NTM: variants seen among roughly 807,000 people sequenced by gnomAD.
NTM encodes the protein neurotrimin, also known as IgLON family member 2.
NTM carries 13 observed loss-of-function variants against 42.1 expected under a neutral mutation model. The ratio of observed to expected loss-of-function variants is 0.31; its 90% confidence interval spans 0.20 to 0.49. NTM has a LOEUF of 0.49. Ranked by LOEUF, NTM falls within the 20% of genes least tolerant of loss-of-function variation. The probability of loss-of-function intolerance (pLI) is 0.99; values close to 1 mark genes in which losing one functional copy is unlikely to be tolerated. For synonymous variants in NTM, 187 were observed against 179.2 expected, an observed-to-expected ratio of 1.04 and a Z score of -0.35; for missense variants, 373 against 452.8, an observed-to-expected ratio of 0.82 and a Z score of 1.60.
intron 1 of NTM, among the ~76,000 whole-genome samples, chr11:131,713,940 G>A (rs1053595188): frequency 3.9e-5 from 6 of 152,210 alleles, no homozygotes; most frequent in African/African-American, 1.4e-4. Context: ...CTTGGACTTT[G>A]TTACGTTGGC....
chr11:131,434,587 C>G (rs1948966497), intron 1 of NTM, among the ~76,000 whole-genome samples: 1 of 152,144 alleles, frequency 6.6e-6, no homozygotes, highest in South Asian at 2.1e-4. Context: ...TAAATATCTT[C>G]TTTTGAGAAG....
At chr11:131,526,480 G>A (rs1460097149) in intron 1 of NTM, among the ~76,000 whole-genome samples, 2 of 152,180 alleles carry the variant, frequency 1.3e-5, no homozygotes, top group East Asian at 3.8e-4. Context: ...AAGAGGAAAA[G>A]GAGTAAAGAA....
chr11:131,608,628 G>GGGAACATGTCCAT (rs11275190), intron 1 of NTM, among the ~76,000 whole-genome samples: 72,008 of 151,744 alleles, frequency 0.47, 17,740 homozygotes, highest in East Asian at 0.61. Context: ...CCTTGCTCCT[G>GGGAACATGTCCAT]GGAACATGTC....
chr11:131,746,061 C>A (rs966927540), intron 1 of NTM, among the ~76,000 whole-genome samples: 6 of 152,070 alleles, frequency 3.9e-5, no homozygotes, highest in African/African-American at 1.4e-4. Context: ...CAACCCTCAG[C>A]CTGGCCATCG....
chr11:132,072,872 A>C (rs1458935656), intron 2 of NTM, among the ~76,000 whole-genome samples: 1 of 152,002 alleles, frequency 6.6e-6, no homozygotes, highest in African/African-American at 2.4e-5. Flanking sequence ...TTTTGATTTG[A>C]CTGCTGAGAG....
chr11:131,880,514 G>A (rs1315778030), intron 1 of NTM, among the ~76,000 whole-genome samples: 1 of 152,222 alleles, frequency 6.6e-6, no homozygotes, highest in African/African-American at 2.4e-5. Flanking sequence ...GGGATTAGCA[G>A]AGAAGCTCCT....
chr11:131,966,739 C>T (rs1781513567), intron 2 of NTM, among the ~76,000 whole-genome samples: 1 of 152,110 alleles, frequency 6.6e-6, no homozygotes, highest in Non-Finnish European at 1.5e-5. Context: ...GGGACCCTCT[C>T]ACCATGACAG....
intron 1 of NTM, among the ~76,000 whole-genome samples, chr11:131,874,059 A>ATC (rs1370004002): frequency 9.7e-6 from 1 of 102,868 alleles, no homozygotes; most frequent in South Asian, 2.7e-4. Context: ...ATATATATAT[A>ATC]TATATATATC....
chr11:132,216,234 C>T (rs11222977), intron 4 of NTM, among the ~76,000 whole-genome samples: 17,181 of 152,284 alleles, frequency 0.11, 1,637 homozygotes, highest in African/African-American at 0.26. Flanking sequence ...TTGGACCTCA[C>T]TCTTCATAGA....
At chr11:131,951,449 C>A (rs1414977573) in intron 2 of NTM, among the ~76,000 whole-genome samples, 3 of 152,208 alleles carry the variant, frequency 2.0e-5, no homozygotes, top group East Asian at 3.9e-4. Flanking sequence ...GCAGATGCTC[C>A]CTCTCCACCC....
chr11:132,098,256 G>A (rs981986778), intron 2 of NTM, among the ~76,000 whole-genome samples: 21 of 139,598 alleles, frequency 1.5e-4, no homozygotes, highest in African/African-American at 5.5e-4. Context: ...AGAACATGCT[G>A]TGCTTGATGT....
intron 1 of NTM, among the ~76,000 whole-genome samples, chr11:131,813,276 C>A (rs928609209): frequency 1.1e-4 from 16 of 152,204 alleles, no homozygotes; most frequent in African/African-American, 3.1e-4. Context: ...CTAATAGCAT[C>A]TGTGCTTTAT....
chr11:132,082,666 A>G lies in NTM; in HGVS notation c.168-63616A>G, dbSNP rs531155617. On this transcript the variant is annotated intron_variant, in intron 2 of 8. Transcript: ENST00000683400. ...GATTCCCCCATGTAAAGAAGTACAT[A>G]TAACTGCTGTTAGAATAAGGACAAG... Among the ~76,000 whole-genome samples, 6 of 152,304 alleles carry G rather than the reference A, an allele frequency of 3.9e-5. No homozygotes were observed. In the East Asian group the frequency reaches 1.2e-3, roughly 29 times the overall value.
chr11:131,853,493 A>G (rs759057393), intron 1 of NTM, among the ~76,000 whole-genome samples: 1 of 152,078 alleles, frequency 6.6e-6, no homozygotes, highest in African/African-American at 2.4e-5. Flanking sequence ...AGCATGCGGT[A>G]TTTGGTTTTA....
intron 3 of NTM, among the ~76,000 whole-genome samples, chr11:132,186,875 G>T (rs1163156172): frequency 6.6e-6 from 1 of 152,338 alleles, no homozygotes; most frequent in African/African-American, 2.4e-5. Context: ...CCCCTGTGGG[G>T]ATCCGGATGA....
intron 4 of NTM, among the ~76,000 whole-genome samples, chr11:132,269,231 A>G (rs919158581): frequency 6.6e-6 from 1 of 152,214 alleles, no homozygotes; most frequent in Non-Finnish European, 1.5e-5. Flanking sequence ...CTTCGTATGC[A>G]TTCTATTGCA....
chr11:131,582,865 A>C (rs891394632), intron 1 of NTM, among the ~76,000 whole-genome samples: 1 of 151,688 alleles, frequency 6.6e-6, no homozygotes, highest in African/African-American at 2.4e-5. Context: ...AGAGCTGGGC[A>C]CTGTGAGTCC....
intron 1 of NTM, among the ~76,000 whole-genome samples, chr11:131,761,885 C>T (rs975437122): frequency 2.0e-5 from 3 of 150,820 alleles, no homozygotes; most frequent in Non-Finnish European, 4.4e-5. Flanking sequence ...AGGAAGAGCG[C>T]GCATGCTCTC....
At chr11:131,844,744 C>T (rs1406283531) in intron 1 of NTM, among the ~76,000 whole-genome samples, 1 of 152,042 alleles carries the variant, frequency 6.6e-6, no homozygotes, top group African/African-American at 2.4e-5. Context: ...TATAGTGTCT[C>T]TTTTAATTAA....
Sources: allele counts gnomAD v4.1 joint callset (sites outside exome capture counted in the v4.1 genomes callset), GRCh38; gene constraint gnomAD v4.1.1; transcripts MANE v1.5; gene names NCBI Gene and HGNC (gene_info 2026-07-23, HGNC 2026-07-21).